Variants in ZBTB20 observed in about 807,000 individuals in gnomAD.
ZBTB20 encodes zinc finger and BTB domain-containing protein 20.
A neutral mutation model predicts 56.9 loss-of-function variants in ZBTB20; 9 were observed. The ratio of observed to expected loss-of-function variants is 0.16; its 90% CI spans 0.10 to 0.28. ZBTB20 has a LOEUF of 0.28. Ranked by LOEUF, ZBTB20 falls within the 10% of genes least tolerant of loss-of-function variation. The pLI, the probability that ZBTB20 is intolerant of heterozygous loss-of-function variation, is 1.00. For synonymous variants in ZBTB20, 417 were observed against 420.7 expected (o/e 0.99, Z 0.11); for missense variants, 655 against 1,003.0 (o/e 0.65, Z 4.69).
chr3:114,847,022 G>A (rs1047482885), intron 4 of ZBTB20, among the ~76,000 whole-genome samples: 5 of 152,104 alleles, frequency 3.3e-5, no homozygotes, highest in African/African-American at 9.7e-5. Flanking sequence ...GAAACGGAAT[G>A]ATTACTCCAC....
chr3:114,503,537 A>G (rs770806189), intron 6 of ZBTB20, among the ~76,000 whole-genome samples: 7 of 152,314 alleles, frequency 4.6e-5, no homozygotes, highest in Admixed American at 1.3e-4. Context: ...AGTGATATTC[A>G]CCTTATATGT....
chr3:114,682,263 G>C (rs2062021633), intron 6 of ZBTB20, among the ~76,000 whole-genome samples: 1 of 152,094 alleles, frequency 6.6e-6, no homozygotes, highest in Non-Finnish European at 1.5e-5. Flanking sequence ...GATTAGAAAG[G>C]TATATCCCCA....
At chr3:114,498,836 C>T (rs2043597671) in intron 7 of ZBTB20, among the ~76,000 whole-genome samples, 1 of 152,144 alleles carries the variant, frequency 6.6e-6, no homozygotes, top group Admixed American at 6.5e-5. Flanking sequence ...CCCTTGATTC[C>T]TAATTGGTGA....
At chr3:114,437,741 C>A (rs929964605) in intron 7 of ZBTB20, among the ~76,000 whole-genome samples, 1 of 152,128 alleles carries the variant, frequency 6.6e-6, no homozygotes, top group African/African-American at 2.4e-5. Flanking sequence ...TTCTTCTCCT[C>A]CTCCTTTCAC....
chr3:114,821,056 T>C (rs1357624267), intron 4 of ZBTB20, among the ~76,000 whole-genome samples: 2 of 152,168 alleles, frequency 1.3e-5, no homozygotes, highest in African/African-American at 4.8e-5. Context: ...TTCTTTTCCA[T>C]GGAATACCAA....
At chr3:114,447,524 C>A (rs888000269) in intron 7 of ZBTB20, among the ~76,000 whole-genome samples, 3 of 152,162 alleles carry the variant, frequency 2.0e-5, no homozygotes, top group Non-Finnish European at 4.4e-5. Flanking sequence ...CTCCATTTCC[C>A]TTCCCACCCC....
At position 114,333,700 on chromosome 3, in the gene ZBTB20, A is replaced by C. The variant is rs938538972; in HGVS notation, c.*5305T>G. 6.6e-6 allele frequency: 1 copy of C among 152,028 alleles called. No homozygotes were observed. Among genetic ancestry groups the C allele is most frequent in the Non-Finnish European group, 1.5e-5 (1 of 68,010 alleles). 9.4% of individuals were successfully genotyped at this position (152,028 alleles called of 1,614,324 possible). A position where few individuals can be genotyped will look rare whatever the true frequency, so the allele number is the denominator to read the frequency against. On this transcript the variant is annotated 3_prime_UTR_variant, in exon 12 of 12. Coordinates refer to ENST00000675478, the MANE Select transcript of ZBTB20 (RefSeq NM_001348800.3). Reference sequence around the variant, plus strand: ...TTAATTTCTTTTTCTGAGGAACAAAATTGGCCATTTAAATAAAGTTCTTTT... The same window carrying C: ...TTAATTTCTTTTTCTGAGGAACAAACTTGGCCATTTAAATAAAGTTCTTTT...
intron 6 of ZBTB20, among the ~76,000 whole-genome samples, chr3:114,513,204 T>C (rs183634317): frequency 1.4e-4 from 22 of 152,336 alleles, no homozygotes; most frequent in Admixed American, 1.3e-3. Flanking sequence ...ATTTTTATCT[T>C]ATATAAACAG....
At chr3:114,664,916 T>C (rs2060961086) in intron 6 of ZBTB20, among the ~76,000 whole-genome samples, 1 of 152,038 alleles carries the variant, frequency 6.6e-6, no homozygotes, top group South Asian at 2.1e-4. Context: ...TGCATATACA[T>C]AGCAGAAGCA....
intron 6 of ZBTB20, among the ~76,000 whole-genome samples, chr3:114,591,967 T>C (rs2055813285): frequency 6.6e-6 from 1 of 152,198 alleles, no homozygotes; most frequent in Non-Finnish European, 1.5e-5. Flanking sequence ...TGCCTATTCC[T>C]TAAAATATAA....
At chr3:114,995,282 T>C (rs2078979092) in intron 2 of ZBTB20, among the ~76,000 whole-genome samples, 1 of 151,858 alleles carries the variant, frequency 6.6e-6, no homozygotes, top group South Asian at 2.1e-4. Flanking sequence ...ATATGGGTGA[T>C]GGGTATTTGG....
chr3:114,769,863 A>G (rs956627517), intron 5 of ZBTB20, among the ~76,000 whole-genome samples: 4 of 152,024 alleles, frequency 2.6e-5, no homozygotes, highest in Non-Finnish European at 4.4e-5. Context: ...GTTTGAGACC[A>G]GCCTGGCCCA....
chr3:114,576,790 A>AAGAG (rs1553756762), intron 6 of ZBTB20, among the ~76,000 whole-genome samples: 1 of 22,144 alleles, frequency 4.5e-5, no homozygotes, highest in African/African-American at 5.1e-5. Flanking sequence ...CACATCAAAA[A>AAGAG]AGACAGAGAG....
intron 3 of ZBTB20, among the ~76,000 whole-genome samples, chr3:114,973,517 A>C (rs905960820): frequency 2.0e-5 from 3 of 152,148 alleles, no homozygotes; most frequent in Non-Finnish European, 4.4e-5. Context: ...ATTCAGGTGA[A>C]AGTACTGCTG....
chr3:114,391,207 CT>C (rs1363864356), intron 7 of ZBTB20, among the ~76,000 whole-genome samples: 1 of 152,156 alleles, frequency 6.6e-6, no homozygotes, highest in Non-Finnish European at 1.5e-5. Context: ...ATTAATTTTT[CT>C]AAAGTGCCCT....
intron 6 of ZBTB20, among the ~76,000 whole-genome samples, chr3:114,624,683 C>G (rs547077394): frequency 6.6e-6 from 1 of 152,188 alleles, no homozygotes; most frequent in East Asian, 1.9e-4. Context: ...CTGTACCATC[C>G]AGACATTTTC....
intron 2 of ZBTB20, among the ~76,000 whole-genome samples, chr3:115,031,116 G>A (rs569109079): frequency 1.3e-5 from 2 of 151,458 alleles, no homozygotes; most frequent in East Asian, 3.9e-4. Context: ...AGATTATTAA[G>A]AAAATATTTG....
chr3:114,963,676 A>T (rs1486610630), intron 3 of ZBTB20, among the ~76,000 whole-genome samples: 1 of 152,164 alleles, frequency 6.6e-6, no homozygotes, highest in African/African-American at 2.4e-5. Context: ...AACACTTCTA[A>T]GACTTTCTGT....
At chr3:115,012,236 A>G (rs2079749767) in intron 2 of ZBTB20, among the ~76,000 whole-genome samples, 1 of 151,736 alleles carries the variant, frequency 6.6e-6, no homozygotes, top group South Asian at 2.1e-4. Flanking sequence ...TTGAATGTAA[A>G]TGAACTAAAC....
Sources: gnomAD v4.1 joint callset for allele counts (sites outside exome capture counted in the v4.1 genomes callset) on GRCh38, gnomAD v4.1.1 for gene constraint, MANE v1.5 for transcripts, NCBI Gene and HGNC (gene_info 2026-07-23, HGNC 2026-07-21) for gene names.